The following OR1J2 variants were observed in gnomAD, a reference collection of about 807,000 sequenced individuals.
OR1J2 encodes olfactory receptor family 1 subfamily J member 2.
For missense variants in OR1J2, 304 were observed against 246.1 expected (o/e 1.24, Z -1.57); for synonymous variants, 142 against 99.7 (o/e 1.42, Z -2.52).
the OR1J2 span, chr9:122,519,200 G>C: frequency 6.2e-7 from 1 of 1,613,842 alleles, no homozygotes; most frequent in East Asian, 2.2e-5. Context: ...TCCCCATCTG[G>C]CCAGAGCAGC....
At chr9:122,527,056 G>C in the OR1J2 span, 1 of 1,614,170 alleles carries the variant, frequency 6.2e-7, no homozygotes, top group Non-Finnish European at 8.5e-7. Context: ...ATATTCACCA[G>C]CATCTTGGTA....
At chr9:122,459,209 T>C in the OR1J2 span, among the ~76,000 whole-genome samples, 1 of 152,188 alleles carries the variant, frequency 6.6e-6, no homozygotes, top group Admixed American at 6.5e-5. Flanking sequence ...GACACTTAGA[T>C]TGATTCCATA....
At position 122,511,514 on chromosome 9, in the gene OR1J2, T is replaced by A. The variant is rs200719224; in HGVS notation, c.713T>A (p.Leu238Ter). ...VPSTKGIHKA[L>*]STCGSHLSVV... ...TCAACCAAAGGGATCCACAAAGCAT[T>A]GTCCACATGTGGCTCCCATCTCTCT... is the stretch of plus-strand genomic sequence containing the variant. The change falls in exon 1 of 1, where the codon TTG (leucine) becomes TAG (stop). Residue 238 changes from leucine (L) to a stop codon, truncating the protein, a stop_gained. Coordinates refer to ENST00000335302, the MANE Select transcript of OR1J2 (RefSeq NM_054107.1). LOFTEE classifies it low-confidence loss of function (END_TRUNC). 1 of 781,048 alleles carries A rather than the reference T, an allele frequency of 1.3e-6. No individual in the cohort carries two copies. The highest frequency in any genetic ancestry group is 2.4e-6 in the Non-Finnish European group (1 of 418,138). 48.4% of individuals were successfully genotyped at this position (781,048 alleles called of 1,614,324 possible). A position where few individuals can be genotyped will look rare whatever the true frequency, so the allele number is the denominator to read the frequency against.
chr9:122,523,356 G>C, the OR1J2 span, among the ~76,000 whole-genome samples: 6 of 152,178 alleles, frequency 3.9e-5, no homozygotes, highest in African/African-American at 1.2e-4. Context: ...CCTGTTAAGA[G>C]GTTTAGACAT....
At chr9:122,461,738 T>G in the OR1J2 span, among the ~76,000 whole-genome samples, 3 of 152,214 alleles carry the variant, frequency 2.0e-5, no homozygotes, top group Non-Finnish European at 2.9e-5. Context: ...AGGATTTCTT[T>G]TGGAGTTGAT....
At chr9:122,485,754 C>G in the OR1J2 span, among the ~76,000 whole-genome samples, 1 of 152,104 alleles carries the variant, frequency 6.6e-6, no homozygotes, top group Non-Finnish European at 1.5e-5. Context: ...CTTTCTCAGA[C>G]AAAGTGAGGA....
chr9:122,476,625 A>G, the OR1J2 span, among the ~76,000 whole-genome samples: 1 of 152,238 alleles, frequency 6.6e-6, no homozygotes, highest in African/African-American at 2.4e-5. Context: ...TGTATTATTG[A>G]GGAAAAATAT....
At chr9:122,570,836 ATGTAT>A in the OR1J2 span, among the ~76,000 whole-genome samples, 3 of 152,202 alleles carry the variant, frequency 2.0e-5, no homozygotes, top group Non-Finnish European at 4.4e-5. Context: ...TTTATTGAAA[ATGTAT>A]TAGTATTAGG....
At chr9:122,538,160 C>T in the OR1J2 span, among the ~76,000 whole-genome samples, 2 of 151,634 alleles carry the variant, frequency 1.3e-5, no homozygotes, top group Admixed American at 1.3e-4. Context: ...CCCAGTCCCC[C>T]TGCCCCTGCC....
the OR1J2 span, among the ~76,000 whole-genome samples, chr9:122,562,655 C>A: frequency 1.3e-5 from 2 of 152,124 alleles, no homozygotes; most frequent in Non-Finnish European, 2.9e-5. Context: ...CCTAGTCAGT[C>A]CTGGTGACAG....
chr9:122,476,834 T>C, the OR1J2 span: 1 of 589,246 alleles, frequency 1.7e-6, no homozygotes, highest in East Asian at 2.9e-5. Flanking sequence ...GTCTCCCGAG[T>C]AGCTGGGACT....
chr9:122,522,099 A>G, the OR1J2 span, among the ~76,000 whole-genome samples: 3 of 152,360 alleles, frequency 2.0e-5, no homozygotes, highest in East Asian at 5.8e-4. Context: ...TGTGCACTTT[A>G]TATGAGTGCA....
the OR1J2 span, among the ~76,000 whole-genome samples, chr9:122,492,089 GAATT>G: frequency 3.3e-5 from 5 of 152,084 alleles, no homozygotes; most frequent in Non-Finnish European, 5.9e-5. Flanking sequence ...TTTGGGGTAT[GAATT>G]ATCCCATCAC....
chr9:122,550,706 A>T, the OR1J2 span, among the ~76,000 whole-genome samples: 1 of 152,132 alleles, frequency 6.6e-6, no homozygotes, highest in Non-Finnish European at 1.5e-5. Flanking sequence ...ATATCCCTTC[A>T]TGATAAAAAT....
upstream of OR1J2, chr9:122,510,659 C>T (rs73663923): frequency 3.8e-4 from 212 of 553,138 alleles, no homozygotes; most frequent in African/African-American, 3.7e-3. Flanking sequence ...CCCCACAGAC[C>T]CCCGATAGGC....
At chr9:122,514,053 T>C (rs1175491583), downstream of OR1J2, among the ~76,000 whole-genome samples, 2 of 152,104 alleles carry the variant, frequency 1.3e-5, no homozygotes, top group South Asian at 2.1e-4. Flanking sequence ...TCACAGAAAA[T>C]GAAAGCTATA....
chr9:122,473,506 G>T, the OR1J2 span, among the ~76,000 whole-genome samples: 1 of 152,182 alleles, frequency 6.6e-6, no homozygotes, highest in African/African-American at 2.4e-5. Context: ...AATCCTGCCA[G>T]ACACAGAAAA....
At chr9:122,550,262 CCAA>C in the OR1J2 span, among the ~76,000 whole-genome samples, 26 of 151,968 alleles carry the variant, frequency 1.7e-4, no homozygotes, top group African/African-American at 6.3e-4. Flanking sequence ...ATACAATCTC[CCAA>C]CAACAACAAC....
the OR1J2 span, among the ~76,000 whole-genome samples, chr9:122,447,948 C>T: frequency 1.3e-5 from 2 of 152,166 alleles, no homozygotes; most frequent in Non-Finnish European, 2.9e-5. Context: ...CCAGCCCCTG[C>T]ACACCTGTGG....
Sources: allele counts gnomAD v4.1 joint callset (sites outside exome capture counted in the v4.1 genomes callset), GRCh38; gene constraint gnomAD v4.1.1; transcripts MANE v1.5; gene names NCBI Gene and HGNC (gene_info 2026-07-23, HGNC 2026-07-21).